STRN3: variants seen among roughly 807,000 people sequenced by gnomAD.
The protein encoded by STRN3 is striatin-3.
In STRN3, 29 loss-of-function variants were observed where a neutral mutation model predicts 95.6. The observed-to-expected ratio is 0.30, with a 90% CI of 0.23 to 0.41. The LOEUF (loss-of-function observed/expected upper bound fraction) is 0.41, where lower values mean the gene tolerates loss of function less well. STRN3 is among the 10% of genes least tolerant of loss of function. The probability of loss-of-function intolerance (pLI) is 1.00; values close to 1 mark genes in which losing one functional copy is unlikely to be tolerated. For synonymous variants in STRN3, 331 were observed against 357.6 expected (o/e 0.93, Z 0.84); for missense variants, 890 against 972.1 (o/e 0.92, Z 1.12).
At chr14:30,914,561 C>T (rs972674537) in intron 9 of STRN3, among the ~76,000 whole-genome samples, 1 of 152,050 alleles carries the variant, frequency 6.6e-6, no homozygotes, top group African/African-American at 2.4e-5. Flanking sequence ...CCATGTTGGC[C>T]AGGCTGGTCT....
chr14:30,943,165 A>G (rs1357266871), intron 5 of STRN3, among the ~76,000 whole-genome samples: 3 of 152,228 alleles, frequency 2.0e-5, no homozygotes, highest in South Asian at 2.1e-4. Flanking sequence ...TCCACATGTT[A>G]TATCATTTTC....
chr14:31,000,652 T>C (rs769986261), intron 1 of STRN3, among the ~76,000 whole-genome samples: 1 of 152,140 alleles, frequency 6.6e-6, no homozygotes, highest in African/African-American at 2.4e-5. Flanking sequence ...GGACCCTGTT[T>C]AAATAATAAT....
chr14:30,934,731 T>G (rs1161215337), intron 7 of STRN3, among the ~76,000 whole-genome samples: 1 of 152,148 alleles, frequency 6.6e-6, no homozygotes, highest in Non-Finnish European at 1.5e-5. Flanking sequence ...ATTACTAATT[T>G]CTAATTACTG....
chr14:30,971,315 G>A (rs979681444), intron 1 of STRN3, among the ~76,000 whole-genome samples: 6 of 152,076 alleles, frequency 3.9e-5, no homozygotes, highest in Admixed American at 6.6e-5. Flanking sequence ...ATAAGACATC[G>A]TAAAGTGAGA....
intron 1 of STRN3, 173 bp downstream of exon 1, chr14:31,025,731 G>C (rs1320497845): frequency 4.5e-6 from 4 of 886,162 alleles, no homozygotes; most frequent in African/African-American, 1.7e-5. Flanking sequence ...GCGGGAAAGA[G>C]GGAGGGGGAC....
rs1896057900 is a variant in STRN3, at chr14:30,893,843, C to T, written c.*1568G>A. 1 of 152,520 alleles carries T rather than the reference C, an allele frequency of 6.6e-6. No homozygotes were observed. 9.4% of individuals were successfully genotyped at this position (152,520 alleles called of 1,614,324 possible). The stretch of plus-strand genomic sequence containing the variant: ...TAATTATGGAGAATAAAGTATTGCA[C>T]TTTATTATTCAACACAAAATGATGT... On this transcript the variant is annotated 3_prime_UTR_variant, in exon 18 of 18. Transcript: ENST00000357479.
chr14:30,951,317 T>C lies in STRN3; in HGVS notation c.461-373A>G, dbSNP rs563871206. 3.9e-5 allele frequency among the ~76,000 whole-genome samples: 6 copies of C among 152,190 alleles called. No homozygotes were observed. In the East Asian group the frequency reaches 9.7e-4, roughly 24 times the overall value. ...GTGGCACCATCTCGATTCACTGCAGTCTCGACTTCTCTGGGCTCCAGAGAT... is the reference window on the plus strand; with the variant it reads ...GTGGCACCATCTCGATTCACTGCAGCCTCGACTTCTCTGGGCTCCAGAGAT... On this transcript the variant is annotated intron_variant, in intron 3 of 17. Transcript: ENST00000357479.
chr14:30,978,346 G>A lies in STRN3; in HGVS notation c.283-22104C>T, dbSNP rs138099625. On this transcript the variant is annotated intron_variant, in intron 1 of 17. Transcript: ENST00000357479. Reference sequence around the variant, plus strand: ...ACATTCAAAACTGTGTTAATATAACGCATCATTAATTGGTTAAACAAGCTG... The same window carrying A: ...ACATTCAAAACTGTGTTAATATAACACATCATTAATTGGTTAAACAAGCTG... Among the ~76,000 whole-genome samples the A allele has an allele frequency of 3.0e-3, 454 of 151,864 alleles. 5 individuals carry two copies. The highest frequency in any genetic ancestry group is 0.01 in the African/African-American group (421 of 41,392).
At chr14:30,973,936 A>T (rs1188775718) in intron 1 of STRN3, among the ~76,000 whole-genome samples, 1 of 152,234 alleles carries the variant, frequency 6.6e-6, no homozygotes, top group Non-Finnish European at 1.5e-5. Flanking sequence ...AACACTCCAC[A>T]CACAAGAAAC....
At chr14:30,902,850 C>T (rs1896361901) in intron 15 of STRN3, among the ~76,000 whole-genome samples, 2 of 152,018 alleles carry the variant, frequency 1.3e-5, no homozygotes, top group Admixed American at 1.3e-4. Context: ...ATAGACTGTA[C>T]TAGGCTCAAA....
At chr14:30,948,707 A>G (rs1879489481) in intron 4 of STRN3, among the ~76,000 whole-genome samples, 1 of 152,232 alleles carries the variant, frequency 6.6e-6, no homozygotes, top group African/African-American at 2.4e-5. Flanking sequence ...TATGGAGATA[A>G]ACTACCTTTA....
At chr14:30,902,166 C>T (rs1258315303) in intron 16 of STRN3, among the ~76,000 whole-genome samples, 3 of 73,656 alleles carry the variant, frequency 4.1e-5, no homozygotes, top group South Asian at 4.5e-4. Flanking sequence ...AGCAAAACTC[C>T]GCCTCAAAAA....
At chr14:30,953,220 G>T (rs191452835) in intron 3 of STRN3, among the ~76,000 whole-genome samples, 1 of 152,014 alleles carries the variant, frequency 6.6e-6, no homozygotes, top group Non-Finnish European at 1.5e-5. Flanking sequence ...AGGAATTTTT[G>T]AACACGCCCA....
intron 3 of STRN3, 36 bp downstream of exon 3, chr14:30,955,584 T>TAA (rs56235217): frequency 1.4e-4 from 176 of 1,264,660 alleles, no homozygotes; most frequent in East Asian, 1.9e-4. Flanking sequence ...AAAAATGAAT[T>TAA]AAAAAAAAAA....
Position 30,894,862 on chromosome 14 carries a change from G to A in STRN3, c.*549C>T. ...TATCCAAACATTTTGTGCAACTAAT[G>A]CTAAAATATTTTAAGTTAAATTTTC... On this transcript the variant is annotated 3_prime_UTR_variant, in exon 18 of 18. Coordinates refer to ENST00000357479, the MANE Select transcript of STRN3 (RefSeq NM_001083893.2). 1 of 738,668 alleles carries A rather than the reference G, an allele frequency of 1.4e-6. No homozygotes were observed. The highest frequency in any genetic ancestry group is 1.8e-6 in the Non-Finnish European group (1 of 553,460). The allele number at this position is 738,668 out of a possible 1,614,324, so 45.8% of individuals were successfully genotyped here. A position where few individuals can be genotyped will look rare whatever the true frequency, so the allele number is the denominator to read the frequency against.
intron 1 of STRN3, among the ~76,000 whole-genome samples, chr14:30,990,189 G>T (rs1216714272): frequency 6.6e-6 from 1 of 150,392 alleles, no homozygotes; most frequent in Non-Finnish European, 1.5e-5. Context: ...TTGAGATGGA[G>T]TATCACTCTG....
chr14:30,903,812 C>CT (rs1896389066), intron 15 of STRN3, among the ~76,000 whole-genome samples: 1 of 152,124 alleles, frequency 6.6e-6, no homozygotes, highest in South Asian at 2.1e-4. Flanking sequence ...TTCCAAGTGA[C>CT]TTTAAAGCAT....
In STRN3 at chr14:30,929,967, A is replaced by AAAAAAAAAAAAAAAAAC. The variant is rs1555317336; in HGVS notation, c.989-657_989-656insGTTTTTTTTTTTTTTTT. 6.8e-3 allele frequency among the ~76,000 whole-genome samples: 617 copies of AAAAAAAAAAAAAAAAAC among 91,022 alleles called. 91 individuals carry two copies. The highest frequency in any genetic ancestry group is 9.0e-3 in the African/African-American group (235 of 26,008). 59.7% of individuals were successfully genotyped at this position (91,022 alleles called of 152,430 possible). The stretch of plus-strand genomic sequence containing the variant: ...AACTAAGATTAGCAAAAAAAAAAAA[A>AAAAAAAAAAAAAAAAAC]AAAAAAAAAAAACTCAAATTCCACT... On this transcript the variant is annotated intron_variant, in intron 7 of 17. Transcript: ENST00000357479.
intron 5 of STRN3, among the ~76,000 whole-genome samples, chr14:30,937,957 C>T (rs559579728): frequency 6.6e-6 from 1 of 152,264 alleles, no homozygotes; most frequent in Non-Finnish European, 1.5e-5. Flanking sequence ...CCCTATCATG[C>T]TGAAGTCCCT....
Sources: gnomAD v4.1 joint callset for allele counts (sites outside exome capture counted in the v4.1 genomes callset) on GRCh38, gnomAD v4.1.1 for gene constraint, MANE v1.5 for transcripts, NCBI Gene and HGNC (gene_info 2026-07-23, HGNC 2026-07-21) for gene names.